The following SPOCK3 variants were observed in gnomAD, a reference collection of about 807,000 sequenced individuals.
SPOCK3 encodes the protein SPARC (osteonectin), cwcv and kazal like domains proteoglycan 3.
A neutral mutation model predicts 56.6 loss-of-function variants in SPOCK3; 30 were observed. The observed-to-expected ratio is 0.53, with a 90% CI of 0.40 to 0.72. The LOEUF (loss-of-function observed/expected upper bound fraction) is 0.72, where lower values mean the gene tolerates loss of function less well. SPOCK3 is among the 30% of genes least tolerant of loss of function. SPOCK3 has a pLI of 0.00. For synonymous variants in SPOCK3, 196 were observed against 183.3 expected (o/e 1.07, Z -0.56); for missense variants, 527 against 530.0 (o/e 0.99, Z 0.06).
intron 4 of SPOCK3, among the ~76,000 whole-genome samples, chr4:166,950,705 T>C (rs540551563): frequency 0.026 from 3,774 of 144,550 alleles, 145 homozygotes; most frequent in African/African-American, 0.1. Context: ...CCTCAGCAAA[T>C]GTAAAAGAAC....
chr4:166,891,546 A>G (rs1169657410), intron 5 of SPOCK3, among the ~76,000 whole-genome samples: 5 of 151,984 alleles, frequency 3.3e-5, no homozygotes, highest in African/African-American at 1.2e-4. Context: ...TTTCAATGGT[A>G]TTGTTATTTT....
chr4:166,876,566 G>C (rs1262608328), intron 6 of SPOCK3, among the ~76,000 whole-genome samples: 2 of 151,992 alleles, frequency 1.3e-5, no homozygotes, highest in Admixed American at 1.3e-4. Flanking sequence ...TGATCCATCA[G>C]GTCTTGGCAT....
Position 167,194,284 on chromosome 4 carries a change from ACTT to A in SPOCK3, c.189+39698_189+39700del, listed in dbSNP as rs1732731778. 1.7e-5 allele frequency among the ~76,000 whole-genome samples: 2 copies of A among 116,830 alleles called. 1 individual carries two copies. The highest frequency in any genetic ancestry group is 1.9e-4 in the Admixed American group (2 of 10,438). The allele number at this position is 116,830 out of a possible 152,430, so 76.6% of individuals were successfully genotyped here. The stretch of plus-strand genomic sequence containing the variant: ...CTTACACTTTCTATTTTTGTATGAG[ACTT>A]CTTATTTTGTTCAACTTCTCATGTT... On this transcript the variant is annotated intron_variant, in intron 2 of 10. Transcript: ENST00000357545.
At chr4:166,983,005 A>C (rs780754644) in intron 4 of SPOCK3, among the ~76,000 whole-genome samples, 2 of 151,848 alleles carry the variant, frequency 1.3e-5, no homozygotes, top group African/African-American at 2.4e-5. Context: ...GTAAGGAAGA[A>C]TTGTACAACT....
chr4:166,824,049 G>C (rs1745203002), intron 6 of SPOCK3, among the ~76,000 whole-genome samples: 1 of 151,886 alleles, frequency 6.6e-6, no homozygotes, highest in Non-Finnish European at 1.5e-5. Flanking sequence ...CTGCTCCTGA[G>C]TGACATCACC....
rs114722080 is a variant in SPOCK3, at chr4:167,042,230, G to A, written c.235+20262C>T. ...TCAGGCCTCCTTATCTATGAGTTTC[G>A]AATCAGGGGATTCAACCCATATGCA... is the stretch of plus-strand genomic sequence containing the variant. On this transcript the variant is annotated intron_variant, in intron 3 of 10. Transcript: ENST00000357545. Among the ~76,000 whole-genome samples, 350 of 152,184 alleles carry A rather than the reference G, an allele frequency of 2.3e-3. 1 individual carries two copies. The highest frequency in any genetic ancestry group is 0.01 in the Middle Eastern group (3 of 294).
intron 4 of SPOCK3, among the ~76,000 whole-genome samples, chr4:166,915,212 T>G (rs943082133): frequency 2.6e-5 from 4 of 152,120 alleles, no homozygotes; most frequent in Admixed American, 2.6e-4. Context: ...TTTATAAAAA[T>G]GTATCCTAGA....
chr4:166,910,874 C>T (rs1161750230), intron 5 of SPOCK3, among the ~76,000 whole-genome samples: 4 of 152,184 alleles, frequency 2.6e-5, no homozygotes, highest in Non-Finnish European at 5.9e-5. Flanking sequence ...CAATCATCTA[C>T]ACTCACCAGA....
chr4:166,864,836 C>T (rs958929157), intron 6 of SPOCK3, among the ~76,000 whole-genome samples: 19 of 152,036 alleles, frequency 1.2e-4, no homozygotes, highest in African/African-American at 4.3e-4. Flanking sequence ...GGATTCACAG[C>T]CAAATTCTAC....
At chr4:166,890,696 A>T (rs1010657521) in intron 5 of SPOCK3, among the ~76,000 whole-genome samples, 1 of 151,972 alleles carries the variant, frequency 6.6e-6, no homozygotes, top group African/African-American at 2.4e-5. Context: ...AATTTTAGAA[A>T]AAGTGTGATG....
intron 4 of SPOCK3, among the ~76,000 whole-genome samples, chr4:166,968,446 CT>C (rs1416722972): frequency 6.6e-6 from 1 of 152,160 alleles, no homozygotes; most frequent in Non-Finnish European, 1.5e-5. Context: ...GACCCTGCTG[CT>C]GTGTGTAGCC....
chr4:167,168,286 T>C (rs1730183355), intron 2 of SPOCK3, among the ~76,000 whole-genome samples: 1 of 151,884 alleles, frequency 6.6e-6, no homozygotes, highest in African/African-American at 2.4e-5. Flanking sequence ...CAGGCAGAAG[T>C]TGGAACTGTT....
chr4:166,770,891 T>A (rs890589531), intron 7 of SPOCK3, among the ~76,000 whole-genome samples: 2 of 151,920 alleles, frequency 1.3e-5, no homozygotes, highest in African/African-American at 4.8e-5. Flanking sequence ...AGAAATTGAG[T>A]TAAAAATCTA....
At chr4:166,744,640 C>T (rs1025104089) in intron 8 of SPOCK3, among the ~76,000 whole-genome samples, 11 of 152,072 alleles carry the variant, frequency 7.2e-5, no homozygotes, top group Non-Finnish European at 1.2e-4. Context: ...ATGACTTTGA[C>T]GAGTTGACAG....
chr4:167,128,426 C>T (rs1187166719), intron 2 of SPOCK3, among the ~76,000 whole-genome samples: 1 of 152,172 alleles, frequency 6.6e-6, no homozygotes, highest in African/African-American at 2.4e-5. Flanking sequence ...CCATTTATTA[C>T]TTTGTGCAAA....
intron 4 of SPOCK3, among the ~76,000 whole-genome samples, chr4:166,988,155 T>C (rs1747366860): frequency 1.3e-5 from 2 of 151,624 alleles, no homozygotes; most frequent in Admixed American, 1.3e-4. Flanking sequence ...CACAAGCTGA[T>C]GGATTAGGGA....
intron 2 of SPOCK3, among the ~76,000 whole-genome samples, chr4:167,070,799 T>C (rs1756599551): frequency 6.6e-6 from 1 of 151,974 alleles, no homozygotes; most frequent in Admixed American, 6.6e-5. Context: ...ACTTAATACA[T>C]GATTTGATCA....
chr4:166,889,319 G>A (rs1304161315), intron 5 of SPOCK3, 75 bp from the exon 6 acceptor site: 3 of 960,230 alleles, frequency 3.1e-6, no homozygotes, highest in Non-Finnish European at 4.8e-6. Context: ...TTTTTAGAAA[G>A]AAAGGTAATT....
chr4:166,802,340 T>G (rs1742692667), intron 6 of SPOCK3, among the ~76,000 whole-genome samples: 1 of 152,140 alleles, frequency 6.6e-6, no homozygotes, highest in Non-Finnish European at 1.5e-5. Flanking sequence ...AGCATGTCTT[T>G]GGCCTGATGA....
Sources: allele counts gnomAD v4.1 joint callset (sites outside exome capture counted in the v4.1 genomes callset), GRCh38; gene constraint gnomAD v4.1.1; transcripts MANE v1.5; gene names NCBI Gene and HGNC (gene_info 2026-07-23, HGNC 2026-07-21).